FMNL2: variants seen among roughly 807,000 people sequenced by gnomAD.
FMNL2 encodes the protein formin-like protein 2.
FMNL2 carries 51 observed loss-of-function variants against 130.2 expected under a neutral mutation model. The ratio of observed to expected loss-of-function variants is 0.39; its 90% CI spans 0.31 to 0.49. The LOEUF is 0.49. Among genes scored for constraint, FMNL2 ranks in the 20% least tolerant of loss-of-function variants. FMNL2 has a pLI of 0.85. For synonymous variants in FMNL2, 465 were observed against 467.1 expected (o/e 1.00, Z 0.06); for missense variants, 977 against 1,316.2 (o/e 0.74, Z 3.99).
At chr2:152,525,178 A>G (rs1387167306) in intron 2 of FMNL2, among the ~76,000 whole-genome samples, 1 of 152,232 alleles carries the variant, frequency 6.6e-6, no homozygotes, top group Admixed American at 6.5e-5. Flanking sequence ...AGGGATCTGG[A>G]AACAAGCCAT....
chr2:152,411,425 C>G (rs1243628220), intron 1 of FMNL2, among the ~76,000 whole-genome samples: 1 of 152,136 alleles, frequency 6.6e-6, no homozygotes, highest in Non-Finnish European at 1.5e-5. Flanking sequence ...TAGGAATCTG[C>G]CCATAGGCCA....
intron 1 of FMNL2, among the ~76,000 whole-genome samples, chr2:152,349,377 T>C (rs1260667699): frequency 6.6e-6 from 1 of 152,202 alleles, no homozygotes; most frequent in African/African-American, 2.4e-5. Context: ...CTTTTACTAA[T>C]GAGACAATGG....
intron 3 of FMNL2, among the ~76,000 whole-genome samples, chr2:152,548,093 G>T (rs550028576): frequency 2.0e-5 from 3 of 152,160 alleles, no homozygotes; most frequent in Admixed American, 2.0e-4. Context: ...GGAAGGGTAG[G>T]TGGGATTTTA....
chr2:152,557,013 AT>A (rs1429090951), intron 4 of FMNL2, among the ~76,000 whole-genome samples: 1 of 152,064 alleles, frequency 6.6e-6, no homozygotes, highest in Non-Finnish European at 1.5e-5. Context: ...GAATTTAAAG[AT>A]TTTCTAATCA....
At chr2:152,517,952 G>T (rs1411933219) in intron 1 of FMNL2, among the ~76,000 whole-genome samples, 1 of 152,188 alleles carries the variant, frequency 6.6e-6, no homozygotes, top group Non-Finnish European at 1.5e-5. Flanking sequence ...TTGTCACCGT[G>T]TTAGGAAGAC....
rs574134540 is a variant in FMNL2, at chr2:152,343,643, G to A, written c.117+7923G>A. On this transcript the variant is annotated intron_variant, in intron 1 of 25. Transcript: ENST00000288670. ...ATGTGCCTGGTGCTGGGACACTAAC[G>A]TGTGACTGATGGTGCTTTTAAATAA... Among the ~76,000 whole-genome samples the A allele has an allele frequency of 2.6e-5, 4 of 152,242 alleles. No homozygotes were observed. In the East Asian group the frequency reaches 7.7e-4, roughly 29 times the overall value.
At chr2:152,510,890 G>A (rs561090314) in intron 1 of FMNL2, among the ~76,000 whole-genome samples, 7 of 152,322 alleles carry the variant, frequency 4.6e-5, no homozygotes, top group African/African-American at 1.7e-4. Context: ...ACGTGTTGTG[G>A]TGAAACCTTA....
At chr2:152,400,799 C>T (rs1685650890) in intron 1 of FMNL2, among the ~76,000 whole-genome samples, 3 of 152,316 alleles carry the variant, frequency 2.0e-5, no homozygotes, top group South Asian at 4.1e-4. Context: ...ATTATGTCAA[C>T]CAAAAATGTC....
chr2:152,499,621 A>G (rs912972373), intron 1 of FMNL2, among the ~76,000 whole-genome samples: 2 of 152,168 alleles, frequency 1.3e-5, no homozygotes, highest in Non-Finnish European at 2.9e-5. Flanking sequence ...GCTTTTTTCA[A>G]GGTAGGTGTC....
chr2:152,500,036 G>A (rs1691726462), intron 1 of FMNL2, among the ~76,000 whole-genome samples: 1 of 152,082 alleles, frequency 6.6e-6, no homozygotes, highest in African/African-American at 2.4e-5. Context: ...GACCCCTGAA[G>A]CAATGCTGGG....
intron 1 of FMNL2, among the ~76,000 whole-genome samples, chr2:152,368,254 C>A (rs140874099): frequency 1.3e-5 from 2 of 152,128 alleles, no homozygotes; most frequent in South Asian, 4.1e-4. Flanking sequence ...TTTGTGTGAT[C>A]TCTTTCTTCA....
intron 1 of FMNL2, among the ~76,000 whole-genome samples, chr2:152,439,079 T>TTA (rs1553457013): frequency 6.9e-6 from 1 of 144,478 alleles, no homozygotes; most frequent in Non-Finnish European, 1.5e-5. Context: ...TTCAGTTTAA[T>TTA]TGTGTGTGTG....
chr2:152,643,737 AAC>A (rs1312427997), intron 25 of FMNL2: 1 of 985,374 alleles, frequency 1.0e-6, no homozygotes, highest in East Asian at 1.1e-4. Context: ...ACATTGCTGT[AAC>A]AGTCTGGGTG....
intron 1 of FMNL2, among the ~76,000 whole-genome samples, chr2:152,470,857 TG>T (rs1689821942): frequency 6.6e-6 from 1 of 152,224 alleles, no homozygotes; most frequent in Admixed American, 6.5e-5. Flanking sequence ...AAAGGTACTG[TG>T]GCTAAGGGAT....
intron 9 of FMNL2, among the ~76,000 whole-genome samples, chr2:152,596,727 G>A (rs4664597): frequency 0.52 from 78,458 of 152,102 alleles, 22,196 homozygotes; most frequent in Middle Eastern, 0.65. Context: ...CTGCTTCTGC[G>A]TTTAGTCACT....
chr2:152,544,942 A>T (rs965327095), intron 3 of FMNL2, among the ~76,000 whole-genome samples: 12 of 152,214 alleles, frequency 7.9e-5, no homozygotes, highest in African/African-American at 2.9e-4. Context: ...CTTCCTCACA[A>T]ATAATAAACT....
chr2:152,647,775 C>A, intron 25 of FMNL2, 21 bp from the exon 26 acceptor site: 1 of 1,610,932 alleles, frequency 6.2e-7, no homozygotes, highest in Non-Finnish European at 8.5e-7. Context: ...TATTCTCTCA[C>A]TGGCACTCTC....
At chr2:152,571,197 T>C (rs1696152354) in intron 6 of FMNL2, among the ~76,000 whole-genome samples, 1 of 152,192 alleles carries the variant, frequency 6.6e-6, no homozygotes, top group East Asian at 1.9e-4. Context: ...CTCTCCTGGC[T>C]CTCCCTTCTC....
At chr2:152,617,280 T>G (rs2304556) in intron 13 of FMNL2, 88 bp downstream of exon 13, 373,108 of 1,145,242 alleles carry the variant, frequency 0.33, 62,920 homozygotes, top group African/African-American at 0.46. Flanking sequence ...TACCTTCATT[T>G]CAGAGGAATG....
Sources: gnomAD v4.1 joint callset for allele counts (sites outside exome capture counted in the v4.1 genomes callset) on GRCh38, gnomAD v4.1.1 for gene constraint, MANE v1.5 for transcripts, NCBI Gene and HGNC (gene_info 2026-07-23, HGNC 2026-07-21) for gene names.